SSU72: variants seen among roughly 807,000 people sequenced by gnomAD.
SSU72 encodes the protein SSU72 homolog, RNA polymerase II CTD phosphatase, also known as RNA polymerase II subunit A C-terminal domain phosphatase SSU72.
SSU72 carries 12 observed loss-of-function variants against 22.7 expected under a neutral mutation model. The ratio of observed to expected loss-of-function variants is 0.53; its 90% confidence interval spans 0.34 to 0.86. The LOEUF (loss-of-function observed/expected upper bound fraction) is 0.86, where lower values mean the gene tolerates loss of function less well. Ranked by LOEUF, SSU72 falls within the 40% of genes least tolerant of loss-of-function variation. SSU72 has a pLI of 0.02. For missense variants in SSU72, 151 were observed against 249.8 expected (o/e 0.60, Z 2.67); for synonymous variants, 116 against 98.3 (o/e 1.18, Z -1.06).
chr1:1,548,104 C>T lies in SSU72; in HGVS notation c.225-3102G>A, dbSNP rs12089738. Among the ~76,000 whole-genome samples the T allele has an allele frequency of 4.3e-3, 659 of 152,324 alleles. 2 individuals carry two copies. The highest frequency in any genetic ancestry group is 0.015 in the African/African-American group (633 of 41,564). The stretch of plus-strand genomic sequence containing the variant: ...GGGCAGGCAAAGAGGATGTGCCATC[C>T]ATAGAATCGACTGCCCCCATTGGAC... On this transcript the variant is annotated intron_variant, in intron 2 of 4. Coordinates refer to ENST00000291386, the MANE Select transcript of SSU72 (RefSeq NM_014188.3).
intron 2 of SSU72, among the ~76,000 whole-genome samples, chr1:1,556,778 C>A (rs955349725): frequency 6.6e-6 from 1 of 152,216 alleles, no homozygotes; most frequent in African/African-American, 2.4e-5. Context: ...AAAAGCATCT[C>A]ACCTGCTGCA....
chr1:1,554,513 G>A lies in SSU72; in HGVS notation c.225-9511C>T, dbSNP rs1193144982. 6.6e-6 allele frequency among the ~76,000 whole-genome samples: 1 copy of A among 152,194 alleles called. No homozygotes were observed. Among genetic ancestry groups the A allele is most frequent in the East Asian group, 1.9e-4 (1 of 5,184 alleles). On this transcript the variant is annotated intron_variant, in intron 2 of 4. Coordinates refer to ENST00000291386, the MANE Select transcript of SSU72 (RefSeq NM_014188.3). The surrounding 1 kb of genome is among the most constrained non-coding windows in gnomAD (Gnocchi z 4.1). ...CCAGGAAACGCCCCAAACACAGCTC[G>A]GTTTTCCTTACCAAGGTTTTCTCTT...
At chr1:1,563,269 C>G (rs1391794115) in intron 2 of SSU72, 2 of 152,166 alleles carry the variant, frequency 1.3e-5, no homozygotes, top group Non-Finnish European at 2.9e-5. Flanking sequence ...CATGGTGGCT[C>G]ACGCCTGTAA....
chr1:1,546,287 T>G (rs888948939), intron 2 of SSU72: 4 of 152,186 alleles, frequency 2.6e-5, no homozygotes, highest in African/African-American at 9.7e-5. Context: ...TATAATACAT[T>G]GAAGTGGTTG....
chr1:1,556,534 T>C (rs1304863180), intron 2 of SSU72, among the ~76,000 whole-genome samples: 1 of 151,340 alleles, frequency 6.6e-6, no homozygotes, highest in South Asian at 2.1e-4. Context: ...AGAGCAAAAC[T>C]CTTGTCTCAA....
intron 2 of SSU72, among the ~76,000 whole-genome samples, chr1:1,560,113 C>T (rs1642569635): frequency 6.6e-6 from 1 of 152,170 alleles, no homozygotes; most frequent in Non-Finnish European, 1.5e-5. Context: ...CTCGGTCTCC[C>T]AGTATTGGGA....
At position 1,554,400 on chromosome 1, in the gene SSU72, C is replaced by G. The variant is rs1238552777; in HGVS notation, c.225-9398G>C. On this transcript the variant is annotated intron_variant, in intron 2 of 4. Transcript: ENST00000291386. The surrounding 1 kb of genome is among the most constrained non-coding windows in gnomAD (Gnocchi z 4.1). Reference sequence around the variant, plus strand: ...AGGCGGATCCGGCCCATTTGGGGGTCCCCACGAGCCCTCGCTGACCACCCA... The same window carrying G: ...AGGCGGATCCGGCCCATTTGGGGGTGCCCACGAGCCCTCGCTGACCACCCA... 6.6e-6 allele frequency among the ~76,000 whole-genome samples: 1 copy of G among 152,218 alleles called. No individual in the cohort carries two copies. The highest frequency in any genetic ancestry group is 1.9e-4 in the East Asian group (1 of 5,178).
At position 1,542,994 on chromosome 1, in the gene SSU72, T is replaced by A. The variant is rs1283625096; in HGVS notation, c.484-827A>T. 2.0e-5 allele frequency among the ~76,000 whole-genome samples: 3 copies of A among 152,192 alleles called. No homozygotes were observed. Among genetic ancestry groups the A allele is most frequent in the Non-Finnish European group, 4.4e-5 (3 of 68,024 alleles). On this transcript the variant is annotated intron_variant, in intron 4 of 4. Coordinates refer to ENST00000291386, the MANE Select transcript of SSU72 (RefSeq NM_014188.3). This position sits in a 1 kb window ranked among gnomAD's most constrained non-coding sequence, Gnocchi z 4.4. The stretch of plus-strand genomic sequence containing the variant: ...TCCCGGGCTTTCCAAACACACCATC[T>A]TCTTTCTTGGTGAAGCTGTTCTGTT...
At chr1:1,549,548 A>G (rs1642431630) in intron 2 of SSU72, among the ~76,000 whole-genome samples, 1 of 151,010 alleles carries the variant, frequency 6.6e-6, no homozygotes. Flanking sequence ...AAAGAAAAAA[A>G]AAGGCTGCAG....
At chr1:1,562,620 G>A (rs1642607999) in intron 2 of SSU72, 1 of 152,348 alleles carries the variant, frequency 6.6e-6, no homozygotes, top group Non-Finnish European at 1.5e-5. Flanking sequence ...CCAGACTCTT[G>A]GAATAGGCTC....
At chr1:1,568,054 T>C (rs947363104) in intron 1 of SSU72, among the ~76,000 whole-genome samples, 1 of 152,004 alleles carries the variant, frequency 6.6e-6, no homozygotes, top group African/African-American at 2.4e-5. Flanking sequence ...AAAAACAAAA[T>C]GCAGTTTGTT....
chr1:1,543,609 C>T (rs1298506688), intron 4 of SSU72, among the ~76,000 whole-genome samples: 2 of 152,084 alleles, frequency 1.3e-5, no homozygotes, highest in African/African-American at 2.4e-5. Flanking sequence ...CCCTCTGTCA[C>T]GGCCTCGGCC....
At position 1,554,243 on chromosome 1, in the gene SSU72, AG is replaced by A. The variant is rs1642491431; in HGVS notation, c.225-9242del. ...AGGGGTCCCCACGAAGCTGAGCATG[AG>A]GCGGACCCGGACCACTCGGGGGCCC... On this transcript the variant is annotated intron_variant, in intron 2 of 4. Coordinates refer to ENST00000291386, the MANE Select transcript of SSU72 (RefSeq NM_014188.3). The surrounding 1 kb of genome is among the most constrained non-coding windows in gnomAD (Gnocchi z 4.1). 6.9e-6 allele frequency among the ~76,000 whole-genome samples: 1 copy of A among 144,836 alleles called. No homozygotes were observed. Among genetic ancestry groups the A allele is most frequent in the Non-Finnish European group, 1.6e-5 (1 of 63,536 alleles).
chr1:1,565,659 C>T (rs903972008), intron 1 of SSU72, among the ~76,000 whole-genome samples: 9 of 152,286 alleles, frequency 5.9e-5, no homozygotes, highest in Non-Finnish European at 8.8e-5. Flanking sequence ...GACCCAACAC[C>T]CAAAGGAGTC....
chr1:1,544,670 A>AG, intron 3 of SSU72, 193 bp downstream of exon 3: 1 of 673,234 alleles, frequency 1.5e-6, no homozygotes. Flanking sequence ...GAAGCCCATG[A>AG]GGCTGCAGCC....
At chr1:1,560,390 C>T (rs1170508239) in intron 2 of SSU72, among the ~76,000 whole-genome samples, 1 of 152,180 alleles carries the variant, frequency 6.6e-6, no homozygotes, top group Admixed American at 6.5e-5. Context: ...AACTGAGCCT[C>T]CTGCCTCGGT....
chr1:1,553,339 T>A lies in SSU72; in HGVS notation c.225-8337A>T, dbSNP rs148450376. On this transcript the variant is annotated intron_variant, in intron 2 of 4. Coordinates refer to ENST00000291386, the MANE Select transcript of SSU72 (RefSeq NM_014188.3). The stretch of plus-strand genomic sequence containing the variant: ...CCAGTTATTTAGTTATTTAAAAAAA[T>A]AATAATACAGTAGTTGTTTTGCCAG... 5.5e-3 allele frequency among the ~76,000 whole-genome samples: 841 copies of A among 152,174 alleles called. 3 individuals are homozygous for A. Among genetic ancestry groups the A allele is most frequent in the Middle Eastern group, 0.037 (11 of 294 alleles).
rs551094196 is a variant in SSU72 at position 1,543,770 on chromosome 1, C to T, written c.483+99G>A. The T allele has an allele frequency of 1.2e-3, 1,058 of 886,774 alleles. 3 individuals are homozygous for T. Among genetic ancestry groups the T allele is most frequent in the Non-Finnish European group, 1.6e-3 (931 of 588,390 alleles). The allele number at this position is 886,774 out of a possible 1,614,324, so 54.9% of individuals were successfully genotyped here. ...TCCCCTCTGTCACGGCCTCGGCCAC[C>T]CCCTCTGTCACGGCCTCGGCCACTC... On this transcript the variant is annotated intron_variant, in intron 4 of 4. Coordinates refer to ENST00000291386, the MANE Select transcript of SSU72 (RefSeq NM_014188.3).
chr1:1,543,839 G>A (rs775350319), intron 4 of SSU72, 30 bp downstream of exon 4: 1 of 1,564,876 alleles, frequency 6.4e-7, no homozygotes, highest in South Asian at 1.1e-5. Context: ...CACAACCTCT[G>A]CCCAGCGCGG....
Sources: gnomAD v4.1 joint callset for allele counts (sites outside exome capture counted in the v4.1 genomes callset) on GRCh38, gnomAD v4.1.1 for gene constraint, Gnocchi (gnomAD v3.1) non-coding constraint, MANE v1.5 for transcripts, NCBI Gene and HGNC (gene_info 2026-07-23, HGNC 2026-07-21) for gene names.